UTRN: variants seen among roughly 807,000 people sequenced by gnomAD.
UTRN encodes the protein utrophin, also known as dystrophin-related protein 1.
Under a neutral mutation model 463.9 loss-of-function variants are expected in UTRN, and 283 were observed. That is an observed-to-expected ratio of 0.61 (90% CI 0.55 to 0.67). The LOEUF is 0.67. UTRN is among the 30% of genes least tolerant of loss of function. UTRN has a pLI of 0.00. For missense variants in UTRN, 3,922 were observed against 4,084.3 expected (o/e 0.96, Z 1.08); for synonymous variants, 1,442 against 1,431.5 (o/e 1.01, Z -0.17).
chr6:144,314,387 T>A (rs1036760400), intron 2 of UTRN, among the ~76,000 whole-genome samples: 1 of 152,180 alleles, frequency 6.6e-6, no homozygotes, highest in African/African-American at 2.4e-5. Context: ...AGGACCTGGA[T>A]GCTGACCTCT....
chr6:144,806,169 A>G (rs1037489693), intron 65 of UTRN, among the ~76,000 whole-genome samples: 4 of 152,212 alleles, frequency 2.6e-5, no homozygotes, highest in Non-Finnish European at 5.9e-5. Context: ...TGAAACCCAC[A>G]TATCTTCAAC....
At position 144,577,145 on chromosome 6, in the gene UTRN, C is replaced by T; in HGVS notation, c.7336C>T (p.Gln2446Ter). ...CTTGGAGGCTGAGTGGAGGACGGTG[C>T]AGGCCTCTCGCAGAGATCTGGAAAA... is the stretch of plus-strand genomic sequence containing the variant. ...NALEAEWRTV[Q>*]ASRRDLENFL... is the part of the protein sequence containing the mutation. The change falls in exon 51 of 75, where the codon CAG becomes TAG. Residue 2446 changes from glutamine to a stop codon, truncating the protein, a stop_gained. Coordinates refer to ENST00000367545, the MANE Select transcript of UTRN (RefSeq NM_007124.3). LOFTEE classifies it high-confidence loss of function. The T allele has an allele frequency of 6.2e-7, 1 of 1,613,888 alleles. No homozygotes were observed. The highest frequency in any genetic ancestry group is 8.5e-7 in the Non-Finnish European group (1 of 1,179,898).
intron 53 of UTRN, among the ~76,000 whole-genome samples, chr6:144,718,359 A>C (rs1476782236): frequency 6.6e-6 from 1 of 152,178 alleles, no homozygotes; most frequent in African/African-American, 2.4e-5. Context: ...TAGTTTAGCT[A>C]CTTAAGAGGC....
At chr6:144,767,288 G>A (rs1030568586) in intron 58 of UTRN, among the ~76,000 whole-genome samples, 1 of 152,138 alleles carries the variant, frequency 6.6e-6, no homozygotes, top group Non-Finnish European at 1.5e-5. Flanking sequence ...CAGGTCCAGA[G>A]TAGGCAAGTA....
chr6:144,575,459 AT>A (rs1377912283), intron 50 of UTRN, among the ~76,000 whole-genome samples: 1 of 152,120 alleles, frequency 6.6e-6, no homozygotes, highest in African/African-American at 2.4e-5. Context: ...AGATATGCTG[AT>A]TTTTACTGTG....
intron 2 of UTRN, among the ~76,000 whole-genome samples, chr6:144,334,456 C>A (rs1776572940): frequency 6.6e-6 from 1 of 151,782 alleles, no homozygotes; most frequent in African/African-American, 2.4e-5. Flanking sequence ...TCATCTGTCG[C>A]CGAAAGACTC....
chr6:144,320,220 A>G (rs1353814462), intron 2 of UTRN, among the ~76,000 whole-genome samples: 1 of 152,258 alleles, frequency 6.6e-6, no homozygotes, highest in Admixed American at 6.5e-5. Flanking sequence ...TTGTGTCTTA[A>G]CAGATCGTTA....
intron 51 of UTRN, among the ~76,000 whole-genome samples, chr6:144,659,471 A>G (rs1779640906): frequency 6.6e-6 from 1 of 152,206 alleles, no homozygotes; most frequent in African/African-American, 2.4e-5. Flanking sequence ...CTCTGGACAG[A>G]CAGAACACCT....
chr6:144,459,106 C>A, intron 20 of UTRN, 68 bp from the exon 21 acceptor site: 3 of 1,575,454 alleles, frequency 1.9e-6, no homozygotes, highest in Non-Finnish European at 1.7e-6. Context: ...GTTAATGCTG[C>A]CCTGATTAAC....
rs1225053366 is a variant in UTRN at position 144,461,201 on chromosome 6, G to T, written c.2712G>T (p.Leu904=). The change falls in exon 22 of 75, where the codon CTG becomes CTT. Residue 904 remains leucine (L), a synonymous_variant. Coordinates refer to ENST00000367545, the MANE Select transcript of UTRN (RefSeq NM_007124.3). ...TAAATATTTTTAAATAAACAGAACT[G>T]AAGGGCCAACCTGGACATGCATATC... ...EDRQQHLENE[L]KGQPGHAYLE... is the part of the protein sequence containing the mutation. The T allele has an allele frequency of 6.3e-7, 1 of 1,575,516 alleles. No homozygotes were observed. The highest frequency in any genetic ancestry group is 8.6e-7 in the Non-Finnish European group (1 of 1,162,118).
chr6:144,596,062 A>G (rs772877229), intron 51 of UTRN, among the ~76,000 whole-genome samples: 14 of 152,232 alleles, frequency 9.2e-5, no homozygotes, highest in Non-Finnish European at 1.0e-4. Flanking sequence ...AAAGCTGAGC[A>G]GTAAGCTTGA....
chr6:144,678,447 A>G lies in UTRN; in HGVS notation c.7521A>G (p.Lys2507=), dbSNP rs1320693582. The part of the protein sequence containing the change: ...AEIDAHNDIF[K]SIDGNRQKMV... ...TTGATGCCCACAATGACATATTTAAAAGCATTGACGGAAACAGGCAGAAGA... is the reference window on the plus strand; with the variant it reads ...TTGATGCCCACAATGACATATTTAAGAGCATTGACGGAAACAGGCAGAAGA... The change falls in exon 52 of 75, where the codon AAA becomes AAG. Residue 2507 remains lysine, a synonymous_variant. Coordinates refer to ENST00000367545, the MANE Select transcript of UTRN (RefSeq NM_007124.3). 1.9e-6 allele frequency: 3 copies of G among 1,613,326 alleles called. No individual in the cohort carries two copies. Among genetic ancestry groups the G allele is most frequent in the Admixed American group, 1.7e-5 (1 of 59,914 alleles).
intron 2 of UTRN, among the ~76,000 whole-genome samples, chr6:144,303,118 G>A (rs138150235): frequency 3.0e-4 from 45 of 152,264 alleles, no homozygotes; most frequent in African/African-American, 1.0e-3. Flanking sequence ...GGGGAGGCAG[G>A]GAACAGGTAA....
chr6:144,548,677 T>G lies in UTRN; in HGVS notation c.6633T>G (p.Ser2211=). The G allele has an allele frequency of 6.2e-7, 1 of 1,614,042 alleles. No individual in the cohort carries two copies. ...TCCAAAAGGTGGTGCTAGTATCATC[T>G]GCGTCAGATATTCCTGTTCAGTCTC... is the stretch of plus-strand genomic sequence containing the variant. ...PNVQKVVLVS[S]ASDIPVQSHR... The change falls in exon 47 of 75, where the codon TCT becomes TCG. Residue 2211 remains serine, a synonymous_variant. Coordinates refer to ENST00000367545, the MANE Select transcript of UTRN (RefSeq NM_007124.3).
chr6:144,594,813 AC>A (rs1803476151), intron 51 of UTRN, among the ~76,000 whole-genome samples: 1 of 152,118 alleles, frequency 6.6e-6, no homozygotes, highest in African/African-American at 2.4e-5. Context: ...GCCCTAGGCA[AC>A]CCTGAACACT....
chr6:144,808,457 G>T (rs957413983), intron 65 of UTRN, among the ~76,000 whole-genome samples: 3 of 151,982 alleles, frequency 2.0e-5, no homozygotes, highest in Admixed American at 2.0e-4. Flanking sequence ...CATCTTTGTT[G>T]TAAGTAACCA....
chr6:144,623,977 AC>A (rs1562666109), intron 51 of UTRN, among the ~76,000 whole-genome samples: 1 of 152,236 alleles, frequency 6.6e-6, no homozygotes, highest in Admixed American at 6.5e-5. Flanking sequence ...ACAAAGTCTT[AC>A]AGTAATTCAG....
At chr6:144,424,888 G>A (rs1025315254) in intron 6 of UTRN, among the ~76,000 whole-genome samples, 5 of 152,070 alleles carry the variant, frequency 3.3e-5, no homozygotes, top group Admixed American at 1.3e-4. Context: ...ATAATAATAT[G>A]AGATGTAAAA....
Position 144,539,356 on chromosome 6 carries a change from G to T in UTRN, c.6432G>T (p.Leu2144Phe), listed in dbSNP as rs200765036. The T allele has an allele frequency of 3.7e-6, 6 of 1,613,298 alleles. No homozygotes were observed. Among genetic ancestry groups the T allele is most frequent in the Admixed American group, 3.3e-5 (2 of 59,978 alleles). Reference sequence around the variant, plus strand: ...TCAAATGGCTGAATAGAACTGAATTGGAGATGCTTTCAGATAAAAGTCTGA... The same window carrying T: ...TCAAATGGCTGAATAGAACTGAATTTGAGATGCTTTCAGATAAAAGTCTGA... Reference protein sequence around the residue: ...EKLKWLNRTELEMLSDKSLSL... With the variant: ...EKLKWLNRTEFEMLSDKSLSL... Residue 2144 changes from leucine to phenylalanine, a missense_variant, in exon 45 of 75, where the codon TTG becomes TTT. Coordinates refer to ENST00000367545, the MANE Select transcript of UTRN (RefSeq NM_007124.3).
Sources: gnomAD v4.1 joint callset for allele counts (sites outside exome capture counted in the v4.1 genomes callset) on GRCh38, gnomAD v4.1.1 for gene constraint, MANE v1.5 for transcripts, NCBI Gene and HGNC (gene_info 2026-07-23, HGNC 2026-07-21) for gene names.